The following MYH10 variants were observed in gnomAD, a reference collection of about 807,000 sequenced individuals.
MYH10 encodes myosin-10.
A neutral mutation model predicts 257.8 loss-of-function variants in MYH10; 55 were observed. The observed-to-expected ratio is 0.21, with a 90% CI of 0.17 to 0.27. The LOEUF is 0.27. MYH10 is among the 10% of genes least tolerant of loss of function. The pLI, the probability that MYH10 is intolerant of heterozygous loss-of-function variation, is 1.00. For missense variants in MYH10, 1,631 were observed against 2,500.6 expected (o/e 0.65, Z 7.42); for synonymous variants, 854 against 921.7 (o/e 0.93, Z 1.33).
At chr17:8,628,538 C>G (rs572677822) in intron 1 of MYH10, among the ~76,000 whole-genome samples, 52 of 152,288 alleles carry the variant, frequency 3.4e-4, no homozygotes, top group African/African-American at 1.2e-3. Context: ...TGAGCTAAAA[C>G]AGAACTGTCC....
chr17:8,477,664 A>C lies in MYH10; in HGVS notation c.5707-616T>G, dbSNP rs1912904847. The stretch of plus-strand genomic sequence containing the variant: ...AGGGTGGGGGTGGGAAGGGAAGGCC[A>C]GGTTGCCTGACTGAATGAATGAAGT... On this transcript the variant is annotated intron_variant, in intron 41 of 42. Transcript: ENST00000360416. The surrounding 1 kb of genome is among the most constrained non-coding windows in gnomAD (Gnocchi z 4.2). Among the ~76,000 whole-genome samples the C allele has an allele frequency of 6.6e-6, 1 of 152,166 alleles. No homozygotes were observed. Among genetic ancestry groups the C allele is most frequent in the African/African-American group, 2.4e-5 (1 of 41,434 alleles).
At chr17:8,542,541 T>C (rs1002236063) in intron 13 of MYH10, among the ~76,000 whole-genome samples, 4 of 152,180 alleles carry the variant, frequency 2.6e-5, no homozygotes, top group Non-Finnish European at 4.4e-5. Context: ...AATGAAAAGA[T>C]AATAAACTTA....
chr17:8,518,275 A>G (rs1477946613), intron 21 of MYH10, among the ~76,000 whole-genome samples: 1 of 152,092 alleles, frequency 6.6e-6, no homozygotes, highest in Non-Finnish European at 1.5e-5. Context: ...CTGGGACTAC[A>G]GGCGCATGCT....
At chr17:8,611,063 T>A (rs1597972637) in intron 2 of MYH10, among the ~76,000 whole-genome samples, 1 of 152,326 alleles carries the variant, frequency 6.6e-6, no homozygotes, top group Non-Finnish European at 1.5e-5. Flanking sequence ...AAGCAGAGCT[T>A]TCAGCAGCAC....
At chr17:8,534,554 C>A (rs2082090120) in intron 16 of MYH10, among the ~76,000 whole-genome samples, 1 of 152,246 alleles carries the variant, frequency 6.6e-6, no homozygotes, top group Non-Finnish European at 1.5e-5. Context: ...ATTTGCCCTT[C>A]TCTGCTTCCA....
At chr17:8,480,050 T>C in intron 40 of MYH10, 60 bp downstream of exon 40, 1 of 1,565,226 alleles carries the variant, frequency 6.4e-7, no homozygotes, top group Non-Finnish European at 8.7e-7. Context: ...GGCATGCCTG[T>C]TTTGTCTCTG....
At chr17:8,605,558 A>C (rs2152076616) in intron 2 of MYH10, among the ~76,000 whole-genome samples, 1 of 152,256 alleles carries the variant, frequency 6.6e-6, no homozygotes, top group East Asian at 1.9e-4. Context: ...AGCCTGGCCA[A>C]GATGGTGAAA....
At chr17:8,481,890 T>C (rs893494983) in intron 37 of MYH10, among the ~76,000 whole-genome samples, 1 of 152,132 alleles carries the variant, frequency 6.6e-6, no homozygotes, top group African/African-American at 2.4e-5. Flanking sequence ...AATGCTCCCA[T>C]GGAGAGGAGG....
chr17:8,543,689 G>T (rs1218911135), intron 13 of MYH10, among the ~76,000 whole-genome samples: 1 of 152,124 alleles, frequency 6.6e-6, no homozygotes, highest in African/African-American at 2.4e-5. Context: ...GGACAGGCTG[G>T]TCTTGAACTC....
chr17:8,555,018 C>T (rs1010152433), intron 7 of MYH10, among the ~76,000 whole-genome samples: 7 of 151,144 alleles, frequency 4.6e-5, no homozygotes, highest in East Asian at 3.9e-4. Flanking sequence ...TAAGGAGAAT[C>T]GCTTGAACCC....
intron 3 of MYH10, among the ~76,000 whole-genome samples, chr17:8,599,213 C>T (rs1238873604): frequency 6.6e-6 from 1 of 152,188 alleles, no homozygotes; most frequent in Non-Finnish European, 1.5e-5. Context: ...CTTTCAGGAA[C>T]TGAGATTTTT....
intron 7 of MYH10, among the ~76,000 whole-genome samples, chr17:8,559,971 G>A (rs2082931286): frequency 6.6e-6 from 1 of 152,146 alleles, no homozygotes; most frequent in Non-Finnish European, 1.5e-5. Flanking sequence ...GTGACTGCCT[G>A]GGCAAATGCG....
Position 8,619,535 on chromosome 17 carries a change from AAGAATAAAT to A in MYH10, c.345+3358_345+3366del, listed in dbSNP as rs1291664532. Among the ~76,000 whole-genome samples, 3 of 152,340 alleles carry A rather than the reference AAGAATAAAT, an allele frequency of 2.0e-5. No homozygotes were observed. The East Asian group carries it at 5.8e-4, about 29-fold the overall frequency. ...CTGAGTTACATCAACGTAAAACAGT[AAGAATAAAT>A]CTTAAAAATGTAATCCTAAGCCAAC... On this transcript the variant is annotated intron_variant, in intron 2 of 42. Transcript: ENST00000360416.
At chr17:8,560,657 T>C (rs998512371) in intron 7 of MYH10, 6 of 825,718 alleles carry the variant, frequency 7.3e-6, no homozygotes, top group Middle Eastern at 4.3e-4. Context: ...GGGTTTATTT[T>C]ATCTGCCAGA....
rs1912461549 is a variant in MYH10, at chr17:8,475,759, T to C, written c.*45A>G. 5 of 1,594,456 alleles carry C rather than the reference T, an allele frequency of 3.1e-6. No homozygotes were observed. The African/African-American group carries it at 5.4e-5, about 17-fold the overall frequency. ...AAATCTGCAGGAGGCCCCGGGTGCA[T>C]TCCTAACTGTCCCACTGTATTGCCT... On this transcript the variant is annotated 3_prime_UTR_variant, in exon 43 of 43. Coordinates refer to ENST00000360416, the MANE Select transcript of MYH10 (RefSeq NM_001256012.3).
intron 4 of MYH10, among the ~76,000 whole-genome samples, chr17:8,579,706 A>G (rs1211043836): frequency 2.0e-5 from 3 of 152,222 alleles, no homozygotes; most frequent in African/African-American, 7.2e-5. Flanking sequence ...GTTTCTGCCC[A>G]CTATTCATGC....
chr17:8,610,447 T>A (rs958727272), intron 2 of MYH10, among the ~76,000 whole-genome samples: 21 of 149,720 alleles, frequency 1.4e-4, no homozygotes, highest in Admixed American at 4.0e-4. Context: ...AAATAAAAAA[T>A]AAATAAAAAT....
rs146524713 is a variant in MYH10 at position 8,606,707 on chromosome 17, C to T, written c.346-1725G>A. Among the ~76,000 whole-genome samples, 30 of 152,338 alleles carry T rather than the reference C, an allele frequency of 2.0e-4. No homozygotes were observed. In the East Asian group the frequency reaches 3.9e-3, roughly 20 times the overall value. ...CACAATTGCAGGCTCAGATGTGGAA[C>T]GCACTTCCTACTTAGGTTAGCAGTT... On this transcript the variant is annotated intron_variant, in intron 2 of 42. Transcript: ENST00000360416.
At chr17:8,476,848 G>A in intron 42 of MYH10, 28 bp downstream of exon 42, 2 of 1,588,992 alleles carry the variant, frequency 1.3e-6, no homozygotes, top group East Asian at 2.2e-5. Context: ...GCAGCTGCCT[G>A]TCAGCTCGGG....
Sources: gnomAD v4.1 joint callset for allele counts (sites outside exome capture counted in the v4.1 genomes callset) on GRCh38, gnomAD v4.1.1 for gene constraint, Gnocchi (gnomAD v3.1) non-coding constraint, MANE v1.5 for transcripts, NCBI Gene and HGNC (gene_info 2026-07-23, HGNC 2026-07-21) for gene names.